CELF4: variants seen among roughly 807,000 people sequenced by gnomAD.
CELF4 encodes the protein CUGBP Elav-like family member 4.
In CELF4, 18 loss-of-function variants were observed where a neutral mutation model predicts 59.9. The observed-to-expected ratio is 0.30, with a 90% CI of 0.21 to 0.45. CELF4 has a LOEUF of 0.45. Among genes scored for constraint, CELF4 ranks in the 20% least tolerant of loss-of-function variants. CELF4 has a pLI of 1.00. For missense variants in CELF4, 456 were observed against 689.0 expected, an observed-to-expected ratio of 0.66 and a Z score of 3.79; for synonymous variants, 261 against 267.1, an observed-to-expected ratio of 0.98 and a Z score of 0.22.
At chr18:37,404,940 G>A (rs556524980) in intron 2 of CELF4, among the ~76,000 whole-genome samples, 3 of 152,064 alleles carry the variant, frequency 2.0e-5, no homozygotes, top group African/African-American at 4.8e-5. Context: ...CCTCTAAAAT[G>A]TCTTTGCTAT....
intron 2 of CELF4, among the ~76,000 whole-genome samples, chr18:37,333,334 TCCCTCCTCTCCCCCCTCTCCCTCTTCC>T (rs1403762191): frequency 9.0e-6 from 1 of 110,584 alleles, no homozygotes; most frequent in Admixed American, 9.0e-5. Flanking sequence ...CCCCCTCCAC[TCCCTCCTCTCCCCCCTCTCCCTCTTCC>T]CCCTCCTCTC....
At chr18:37,407,075 A>G (rs1167168658) in intron 2 of CELF4, among the ~76,000 whole-genome samples, 1 of 152,118 alleles carries the variant, frequency 6.6e-6, no homozygotes, top group Admixed American at 6.6e-5. Flanking sequence ...GATCTAATAG[A>G]CCTACTGCTT....
chr18:37,383,907 C>T (rs2099069693), intron 2 of CELF4, among the ~76,000 whole-genome samples: 1 of 152,114 alleles, frequency 6.6e-6, no homozygotes, highest in Non-Finnish European at 1.5e-5. Flanking sequence ...GGAATTCTCC[C>T]TAAATCCACC....
At chr18:37,523,090 C>T (rs751754433) in intron 1 of CELF4, among the ~76,000 whole-genome samples, 3 of 152,188 alleles carry the variant, frequency 2.0e-5, no homozygotes, top group Non-Finnish European at 4.4e-5. Context: ...TATGCTCCCC[C>T]TTTCTGTTTC....
At chr18:37,455,472 G>T (rs79560368) in intron 2 of CELF4, among the ~76,000 whole-genome samples, 1 of 152,204 alleles carries the variant, frequency 6.6e-6, no homozygotes, top group African/African-American at 2.4e-5. Context: ...GCCAAGGCCT[G>T]GGCTGTAGGG....
chr18:37,478,265 A>G (rs1368131284), intron 2 of CELF4, among the ~76,000 whole-genome samples: 1 of 152,112 alleles, frequency 6.6e-6, no homozygotes, highest in Admixed American at 6.6e-5. Flanking sequence ...GTCCGGGCTC[A>G]TTGCTCTGCC....
chr18:37,461,130 C>G (rs2099792318), intron 2 of CELF4, among the ~76,000 whole-genome samples: 2 of 152,150 alleles, frequency 1.3e-5, no homozygotes, highest in African/African-American at 2.4e-5. Flanking sequence ...GGAGCCACCC[C>G]ACAGAAGCAA....
intron 3 of CELF4, among the ~76,000 whole-genome samples, chr18:37,303,744 G>A (rs1173602548): frequency 6.6e-6 from 1 of 152,210 alleles, no homozygotes; most frequent in Admixed American, 6.5e-5. Context: ...GGCTAGCCTT[G>A]TGGGCTTTGG....
At chr18:37,487,499 G>A (rs957598629) in intron 1 of CELF4, among the ~76,000 whole-genome samples, 9 of 151,936 alleles carry the variant, frequency 5.9e-5, no homozygotes, top group East Asian at 1.9e-4. Context: ...TCCCTCTCCC[G>A]TCCTCCTCCC....
chr18:37,317,545 A>T (rs867554901), intron 3 of CELF4, among the ~76,000 whole-genome samples: 1 of 152,094 alleles, frequency 6.6e-6, no homozygotes, highest in African/African-American at 2.4e-5. Context: ...CTCATTCCGG[A>T]TAAGAACCTT....
intron 2 of CELF4, 47 bp downstream of exon 2, chr18:37,485,478 C>T (rs759334410): frequency 8.2e-7 from 1 of 1,224,446 alleles, no homozygotes; most frequent in Non-Finnish European, 1.0e-6. Context: ...CCGAAGTCGC[C>T]CCCTGTCGGC....
At chr18:37,317,815 G>A (rs931489021) in intron 3 of CELF4, among the ~76,000 whole-genome samples, 11 of 152,170 alleles carry the variant, frequency 7.2e-5, no homozygotes, top group Non-Finnish European at 1.6e-4. Context: ...AGCCTCTCCT[G>A]TGCACACAGA....
At chr18:37,485,410 GC>G (rs2099878901) in intron 2 of CELF4, 114 bp downstream of exon 2, 2 of 209,430 alleles carry the variant, frequency 9.5e-6, no homozygotes, top group South Asian at 2.1e-4. Context: ...CCGAGCTCAG[GC>G]GGGGCGGCGG....
Position 37,406,259 on chromosome 18 carries a change from C to T in CELF4, c.369+79266G>A, listed in dbSNP as rs184351876. Among the ~76,000 whole-genome samples, 4 of 152,132 alleles carry T rather than the reference C, an allele frequency of 2.6e-5. No homozygotes were observed. In the East Asian group the frequency reaches 7.8e-4, roughly 30 times the overall value. On this transcript the variant is annotated intron_variant, in intron 2 of 12. Transcript: ENST00000420428. ...CAGTCAGTAGAGATGGGATGACACA[C>T]CCATCCCATCTCTATCCTCGGAGCC... is the stretch of plus-strand genomic sequence containing the variant.
chr18:37,442,867 G>T (rs921185283), intron 2 of CELF4, among the ~76,000 whole-genome samples: 4 of 152,188 alleles, frequency 2.6e-5, no homozygotes, highest in Non-Finnish European at 5.9e-5. Flanking sequence ...TCTCCGTCCT[G>T]TTAAGCTCTC....
At chr18:37,424,077 A>G (rs1191483023) in intron 2 of CELF4, among the ~76,000 whole-genome samples, 1 of 151,824 alleles carries the variant, frequency 6.6e-6, no homozygotes, top group Non-Finnish European at 1.5e-5. Flanking sequence ...GGTTGGTGCA[A>G]AAGAAATTGT....
In CELF4 at chr18:37,253,548, C is replaced by T. The variant is rs2066903980; in HGVS notation, c.*44+219G>A. Among the ~76,000 whole-genome samples the T allele has an allele frequency of 2.0e-5, 3 of 152,214 alleles. No individual in the cohort carries two copies. The South Asian group carries it at 6.2e-4, about 32-fold the overall frequency. On this transcript the variant is annotated intron_variant, in intron 12 of 12. Coordinates refer to ENST00000420428, the MANE Select transcript of CELF4 (RefSeq NM_020180.4). The surrounding 1 kb of genome is among the most constrained non-coding windows in gnomAD (Gnocchi z 4.5). ...CCCGGAGTGGCTCCCTCACTCCTGC[C>T]CCTGGTGGCCCTGCCACAGGGAAAT...
chr18:37,418,104 A>G (rs147572875), intron 2 of CELF4, among the ~76,000 whole-genome samples: 74 of 152,266 alleles, frequency 4.9e-4, no homozygotes, highest in Middle Eastern at 3.4e-3. Context: ...AAAGGCCCCA[A>G]TTGTCTTTCC....
intron 2 of CELF4, among the ~76,000 whole-genome samples, chr18:37,411,775 C>T (rs948529): frequency 0.15 from 22,425 of 152,162 alleles, 1,968 homozygotes; most frequent in Middle Eastern, 0.23. Flanking sequence ...GGAGATGAGG[C>T]GGGCTGCATG....
Sources: gnomAD v4.1 joint callset for allele counts (sites outside exome capture counted in the v4.1 genomes callset) on GRCh38, gnomAD v4.1.1 for gene constraint, Gnocchi (gnomAD v3.1) non-coding constraint, MANE v1.5 for transcripts, NCBI Gene and HGNC (gene_info 2026-07-23, HGNC 2026-07-21) for gene names.